The following DOCK8 variants were observed in gnomAD, a reference collection of about 807,000 sequenced individuals.
The protein encoded by DOCK8 is dedicator of cytokinesis protein 8.
Under a neutral mutation model 245.6 loss-of-function variants are expected in DOCK8, and 141 were observed. That is an observed-to-expected ratio of 0.57 (90% CI 0.50 to 0.66). The LOEUF is 0.66. Ranked by LOEUF, DOCK8 falls within the 30% of genes least tolerant of loss-of-function variation. DOCK8 has a pLI of 0.00. For synonymous variants in DOCK8, 1,168 were observed against 970.2 expected (o/e 1.20, Z -3.79); for missense variants, 2,965 against 2,603.4 (o/e 1.14, Z -3.02).
chr9:414,713 G>A, intron 28 of DOCK8, 69 bp from the exon 29 acceptor site: 6 of 1,599,884 alleles, frequency 3.8e-6, no homozygotes, highest in Non-Finnish European at 1.7e-6. Context: ...CATCACTCTT[G>A]ACTGTTTAAG....
chr9:365,587 T>C (rs931432377), intron 14 of DOCK8: 2 of 454,872 alleles, frequency 4.4e-6, no homozygotes, highest in South Asian at 1.6e-5. Flanking sequence ...TTTTTTTTTT[T>C]CAGAGAAGTC....
intron 11 of DOCK8, among the ~76,000 whole-genome samples, chr9:335,313 A>G (rs190565892): frequency 6.6e-6 from 1 of 152,304 alleles, no homozygotes. Context: ...AGACCTGCCC[A>G]TATCACCTGT....
chr9:214,905 T>TA lies in DOCK8; in HGVS notation c.-71dup. The TA allele has an allele frequency of 6.2e-7, 1 of 1,604,050 alleles. No individual in the cohort carries two copies. Among genetic ancestry groups the TA allele is most frequent in the Non-Finnish European group, 8.5e-7 (1 of 1,176,884 alleles). ...CGCTTGGCTGGGCATGTTCCGCGGCTACTCTGCGGCGCGCCAGGCCCCCGC... is the reference window on the plus strand; with the variant it reads ...CGCTTGGCTGGGCATGTTCCGCGGCTAACTCTGCGGCGCGCCAGGCCCCCGC... On this transcript the variant is annotated 5_prime_UTR_variant, in exon 1 of 48. The change creates a premature stop within an existing upstream ORF in the 5' untranslated region. Transcript: ENST00000432829.
At chr9:328,228 C>A in intron 9 of DOCK8, 57 bp downstream of exon 9, 1 of 1,570,270 alleles carries the variant, frequency 6.4e-7, no homozygotes, top group Non-Finnish European at 8.7e-7. Context: ...GTGTTGTTCC[C>A]AGCACATGTT....
intron 1 of DOCK8, among the ~76,000 whole-genome samples, chr9:225,016 G>A (rs2046961369): frequency 6.6e-6 from 1 of 152,148 alleles, no homozygotes; most frequent in African/African-American, 2.4e-5. Flanking sequence ...GATCCCCTTA[G>A]ATGGGGTATC....
At chr9:214,487 C>G, upstream of DOCK8, 2 of 1,606,140 alleles carry the variant, frequency 1.2e-6, no homozygotes, top group South Asian at 1.1e-5. Context: ...AGAATGGTGT[C>G]AACCCTTAAT....
intron 2 of DOCK8, chr9:284,570 A>G (rs1320290373): frequency 6.6e-6 from 1 of 152,132 alleles, no homozygotes; most frequent in Non-Finnish European, 1.5e-5. Flanking sequence ...AGGATAATGT[A>G]AGTCAGCAAT....
chr9:381,489 CTCT>C lies in DOCK8; in HGVS notation c.2606-1019_2606-1017del, dbSNP rs2053718532. The C allele has an allele frequency of 2.0e-5, 3 of 152,350 alleles. No homozygotes were observed. The South Asian group carries it at 6.2e-4, about 32-fold the overall frequency. 9.4% of individuals were successfully genotyped at this position (152,350 alleles called of 1,614,324 possible). A position where few individuals can be genotyped will look rare whatever the true frequency, so the allele number is the denominator to read the frequency against. ...AAATAATAGTAATGCATTTCCCCAA[CTCT>C]TCTTAATTATTTACATAAGTAATAA... On this transcript the variant is annotated intron_variant, in intron 21 of 47. Transcript: ENST00000432829.
chr9:459,946 C>T (rs2131953825), intron 46 of DOCK8: 1 of 152,370 alleles, frequency 6.6e-6, no homozygotes, highest in South Asian at 2.1e-4. Context: ...TCCACCACAT[C>T]CTATTCAGTG....
intron 2 of DOCK8, among the ~76,000 whole-genome samples, chr9:283,687 C>G (rs1025316848): frequency 6.6e-6 from 1 of 152,130 alleles, no homozygotes; most frequent in Non-Finnish European, 1.5e-5. Context: ...AGATAATGGC[C>G]TCCAGTTCCA....
chr9:227,220 T>C (rs1034647686), intron 1 of DOCK8, among the ~76,000 whole-genome samples: 1 of 152,184 alleles, frequency 6.6e-6, no homozygotes, highest in Admixed American at 6.5e-5. Context: ...TCCATCCTGG[T>C]CAAATGGGAT....
At chr9:247,587 G>A (rs1290845755) in intron 1 of DOCK8, among the ~76,000 whole-genome samples, 3 of 152,066 alleles carry the variant, frequency 2.0e-5, no homozygotes, top group African/African-American at 4.8e-5. Flanking sequence ...AGGCTGAAGT[G>A]CAGTGACGTG....
intron 9 of DOCK8, among the ~76,000 whole-genome samples, chr9:331,222 C>T (rs758832073): frequency 5.9e-5 from 9 of 152,158 alleles, no homozygotes; most frequent in Non-Finnish European, 1.0e-4. Flanking sequence ...AATAAGTAAA[C>T]GATTGCTGAT....
At chr9:435,344 G>C (rs1274933073) in intron 39 of DOCK8, among the ~76,000 whole-genome samples, 1 of 151,312 alleles carries the variant, frequency 6.6e-6, no homozygotes, top group Non-Finnish European at 1.5e-5. Flanking sequence ...GGAGACATTT[G>C]CAAACACTTT....
chr9:445,463 T>G (rs1758173331), intron 43 of DOCK8, among the ~76,000 whole-genome samples: 1 of 152,152 alleles, frequency 6.6e-6, no homozygotes, highest in African/African-American at 2.4e-5. Flanking sequence ...CGCTCTGTGT[T>G]TGAGGGTGGA....
chr9:265,876 C>G lies in DOCK8; in HGVS notation c.54-5751C>G, dbSNP rs956107662. Among the ~76,000 whole-genome samples the G allele has an allele frequency of 3.3e-5, 5 of 152,130 alleles. No homozygotes were observed. In the South Asian group the frequency reaches 1.0e-3, roughly 31 times the overall value. ...CCCTTCTGGTTTACATATAATGAAA[C>G]TAAGGCCCACCTTAGTCAACTAATG... On this transcript the variant is annotated intron_variant, in intron 1 of 47. Transcript: ENST00000432829.
chr9:344,344 T>G (rs912781472), intron 14 of DOCK8, among the ~76,000 whole-genome samples: 3 of 152,170 alleles, frequency 2.0e-5, no homozygotes, highest in Admixed American at 2.0e-4. Context: ...AGGAAGCATC[T>G]TGTCTAAATA....
chr9:432,038 A>G lies in DOCK8; in HGVS notation c.4627-128A>G. The G allele has an allele frequency of 9.8e-6, 9 of 916,986 alleles. No individual in the cohort carries two copies. In the South Asian group the frequency reaches 1.3e-4, roughly 13 times the overall value. The allele number at this position is 916,986 out of a possible 1,614,324, so 56.8% of individuals were successfully genotyped here. Reference sequence around the variant, plus strand: ...GTAGCTCCCATTTCATTGAGAGAAGAGGAAATAATTAAGACGGGGCAAAGG... The same window carrying G: ...GTAGCTCCCATTTCATTGAGAGAAGGGGAAATAATTAAGACGGGGCAAAGG... On this transcript the variant is annotated intron_variant, in intron 36 of 47. Coordinates refer to ENST00000432829, the MANE Select transcript of DOCK8 (RefSeq NM_203447.4).
rs765188874 is a variant in DOCK8 at position 372,209 on chromosome 9, C to T, written c.2032C>T (p.Arg678Cys). The change falls in exon 18 of 48, where the codon CGT (arginine) becomes TGT (cysteine). Residue 678 changes from arginine (R) to cysteine (C), a missense_variant. Arg to Cys is a radical substitution (Grantham distance 180). Transcript: ENST00000432829. ...YSWLPILLNERLQTGSYCLPV... is the reference protein window; with the variant it reads ...YSWLPILLNECLQTGSYCLPV... ...GTGGCTGCCAATTCTCTTAAATGAA[C>T]GTCTTCAAACTGGATCCTACTGTCT... 9.9e-6 allele frequency: 16 copies of T among 1,613,918 alleles called. No homozygotes were observed. The highest frequency in any genetic ancestry group is 7.7e-5 in the South Asian group (7 of 91,094).
Sources: gnomAD v4.1 joint callset for allele counts (sites outside exome capture counted in the v4.1 genomes callset) on GRCh38, gnomAD v4.1.1 for gene constraint, MANE v1.5 for transcripts, NCBI Gene and HGNC (gene_info 2026-07-23, HGNC 2026-07-21) for gene names.